ACER1: variants seen among roughly 807,000 people sequenced by gnomAD.
ACER1 encodes CTB-180A7.3.
Under a neutral mutation model 24.9 loss-of-function variants are expected in ACER1, and 28 were observed. That is an observed-to-expected ratio of 1.13 (90% CI 0.83 to 1.54). The LOEUF is 1.54. Ranked by LOEUF, ACER1 falls within the 40% of genes most tolerant of loss-of-function variation. The pLI is 0.00. For synonymous variants in ACER1, 132 were observed against 131.4 expected (o/e 1.00, Z -0.03); for missense variants, 352 against 349.3 (o/e 1.01, Z -0.06).
chr19:6,344,246 G>T, the ACER1 span, among the ~76,000 whole-genome samples: 2 of 151,870 alleles, frequency 1.3e-5, no homozygotes, highest in African/African-American at 2.4e-5. Context: ...TCCAGCCTGG[G>T]CGACAGAGCG....
the ACER1 span, among the ~76,000 whole-genome samples, chr19:6,339,129 A>T: frequency 6.6e-6 from 1 of 152,012 alleles, no homozygotes; most frequent in Non-Finnish European, 1.5e-5. Context: ...CGCCTGCCTC[A>T]GCCTCCCAAA....
intron 1 of ACER1, among the ~76,000 whole-genome samples, chr19:6,320,989 GT>G (rs398059534): frequency 2.0e-3 from 276 of 138,990 alleles, no homozygotes; most frequent in Middle Eastern, 7.4e-3. Context: ...GCTGTGGGTT[GT>G]TTTTTTTTTT....
chr19:6,337,285 C>A (rs80171561), upstream of ACER1, among the ~76,000 whole-genome samples: 2 of 151,806 alleles, frequency 1.3e-5, no homozygotes, highest in South Asian at 2.1e-4. Flanking sequence ...TGTCTCTTAA[C>A]ACTTAATGAC....
chr19:6,357,996 G>A, the ACER1 span, among the ~76,000 whole-genome samples: 6 of 152,132 alleles, frequency 3.9e-5, no homozygotes, highest in Admixed American at 3.3e-4. Flanking sequence ...GGGCAGGCAG[G>A]GGGTGCAGGG....
chr19:6,344,023 G>C, the ACER1 span: 2 of 152,180 alleles, frequency 1.3e-5, no homozygotes, highest in Non-Finnish European at 2.9e-5. Context: ...TTGATAAGTA[G>C]GCCGGGCATG....
At chr19:6,354,564 T>G in the ACER1 span, among the ~76,000 whole-genome samples, 1 of 152,176 alleles carries the variant, frequency 6.6e-6, no homozygotes. Context: ...TTATAAGACT[T>G]TTGTATTTTT....
the ACER1 span, among the ~76,000 whole-genome samples, chr19:6,356,788 C>T: frequency 6.6e-6 from 1 of 151,456 alleles, no homozygotes. Flanking sequence ...GTCCCAGCTA[C>T]TTGGTAGACT....
intron 1 of ACER1, among the ~76,000 whole-genome samples, chr19:6,333,049 A>G (rs911575820): frequency 5.3e-5 from 8 of 152,066 alleles, no homozygotes; most frequent in Non-Finnish European, 2.9e-5. Context: ...TACAGCTGCA[A>G]ACAAGACAGA....
intron 1 of ACER1, among the ~76,000 whole-genome samples, chr19:6,313,015 T>C (rs1284519437): frequency 6.6e-6 from 1 of 152,194 alleles, no homozygotes; most frequent in Non-Finnish European, 1.5e-5. Flanking sequence ...TGGTCATCCA[T>C]AGATCAATTT....
chr19:6,344,820 CACA>C, the ACER1 span, among the ~76,000 whole-genome samples: 1 of 144,754 alleles, frequency 6.9e-6, no homozygotes, highest in African/African-American at 2.7e-5. Context: ...AGATATATTT[CACA>C]ACAATCAATT....
chr19:6,328,445 C>T (rs371617268), intron 1 of ACER1, among the ~76,000 whole-genome samples: 5 of 128,808 alleles, frequency 3.9e-5, no homozygotes, highest in African/African-American at 1.5e-4. Context: ...GAGCCAAGAT[C>T]GAGATTGTAC....
In ACER1 at chr19:6,309,717, G is replaced by A. The variant is rs775943166; in HGVS notation, c.468C>T (p.Ile156=). 13 of 1,613,860 alleles carry A rather than the reference G, an allele frequency of 8.1e-6. No homozygotes were observed. The highest frequency in any genetic ancestry group is 6.7e-5 in the African/African-American group (5 of 74,912). ...CTCACTTCCTGTACTCCTGGCACACGATGTAGAGAATGTGCAGGGCAATGC... is the reference window on the plus strand; with the variant it reads ...CTCACTTCCTGTACTCCTGGCACACAATGTAGAGAATGTGCAGGGCAATGC... The part of the protein sequence containing the change: ...LNSIALHILY[I]VCQEYRKTSN... Residue 156 remains isoleucine, a synonymous_variant, in exon 4 of 6, where the codon ATC becomes ATT. Transcript: ENST00000301452.
At chr19:6,319,264 G>A (rs1025949369) in intron 1 of ACER1, among the ~76,000 whole-genome samples, 5 of 152,124 alleles carry the variant, frequency 3.3e-5, no homozygotes, top group East Asian at 3.9e-4. Flanking sequence ...GGGGGACCCC[G>A]ACTAATGGAG....
chr19:6,316,561 C>T (rs1019811385), intron 1 of ACER1, among the ~76,000 whole-genome samples: 12 of 152,030 alleles, frequency 7.9e-5, no homozygotes, highest in African/African-American at 2.9e-4. Flanking sequence ...TGGCTTGCAC[C>T]TGTAATCCCA....
At chr19:6,348,434 C>CA in the ACER1 span, among the ~76,000 whole-genome samples, 1 of 146,274 alleles carries the variant, frequency 6.8e-6, no homozygotes, top group African/African-American at 2.5e-5. Flanking sequence ...GACTGCACTC[C>CA]AGCCTGGGTG....
chr19:6,308,740 G>A (rs957305817), intron 4 of ACER1, among the ~76,000 whole-genome samples: 4 of 152,230 alleles, frequency 2.6e-5, no homozygotes, highest in Admixed American at 6.5e-5. Flanking sequence ...AATCAGGGGA[G>A]TTAAATTATA....
At chr19:6,347,098 C>CA in the ACER1 span, among the ~76,000 whole-genome samples, 493 of 81,954 alleles carry the variant, frequency 6.0e-3, 6 homozygotes, top group South Asian at 0.02. Context: ...CCTGTCTCTA[C>CA]AAAAAAAAAA....
the ACER1 span, among the ~76,000 whole-genome samples, chr19:6,352,207 G>A: frequency 1.3e-5 from 2 of 152,056 alleles, no homozygotes; most frequent in African/African-American, 4.8e-5. Context: ...CTCCTCCGCC[G>A]AGTCTATTTC....
upstream of ACER1, among the ~76,000 whole-genome samples, chr19:6,334,384 AC>A (rs1180433134): frequency 2.9e-5 from 4 of 138,178 alleles, no homozygotes; most frequent in Admixed American, 7.3e-5. Flanking sequence ...TGGCTCTGTC[AC>A]CCAGGCTGGA....
Sources: allele counts gnomAD v4.1 joint callset (sites outside exome capture counted in the v4.1 genomes callset), GRCh38; gene constraint gnomAD v4.1.1; transcripts MANE v1.5; gene names NCBI Gene and HGNC (gene_info 2026-07-23, HGNC 2026-07-21).